CHMP4B: variants seen among roughly 807,000 people sequenced by gnomAD.
The protein encoded by CHMP4B is SNF7 homolog associated with Alix 1.
CHMP4B carries 1 observed loss-of-function variant against 25.1 expected under a neutral mutation model. That is an observed-to-expected ratio of 0.04 (90% CI 0.01 to 0.19). CHMP4B has a LOEUF of 0.19. Ranked by LOEUF, CHMP4B falls within the 10% of genes least tolerant of loss-of-function variation. The probability of loss-of-function intolerance (pLI) is 1.00; values close to 1 mark genes in which losing one functional copy is unlikely to be tolerated. For synonymous variants in CHMP4B, 101 were observed against 115.6 expected (o/e 0.87, Z 0.81); for missense variants, 151 against 289.7 (o/e 0.52, Z 3.48).
chr20:33,814,835 G>T (rs1266506866), intron 1 of CHMP4B, among the ~76,000 whole-genome samples: 1 of 151,958 alleles, frequency 6.6e-6, no homozygotes, highest in African/African-American at 2.4e-5. Context: ...TTTTTTTGTA[G>T]GGACAAGGTC....
intron 2 of CHMP4B, among the ~76,000 whole-genome samples, 155 bp from the exon 3 acceptor site, chr20:33,850,797 C>T (rs1222137964): frequency 6.6e-6 from 1 of 152,220 alleles, no homozygotes; most frequent in Non-Finnish European, 1.5e-5. Flanking sequence ...GGGGAGGAGG[C>T]AATAATGCCA....
intron 1 of CHMP4B, among the ~76,000 whole-genome samples, chr20:33,819,344 T>C (rs1462009634): frequency 1.3e-5 from 2 of 152,230 alleles, no homozygotes; most frequent in Admixed American, 1.3e-4. Flanking sequence ...ATGAGTGCTC[T>C]TTAGCCCTGA....
At chr20:33,845,866 C>G (rs778889959) in intron 1 of CHMP4B, among the ~76,000 whole-genome samples, 1 of 152,184 alleles carries the variant, frequency 6.6e-6, no homozygotes, top group Non-Finnish European at 1.5e-5. Flanking sequence ...TCTCCCAGGA[C>G]CTCTTCCCTC....
At chr20:33,831,095 ATT>A (rs556330396) in intron 1 of CHMP4B, among the ~76,000 whole-genome samples, 52 of 134,690 alleles carry the variant, frequency 3.9e-4, no homozygotes, top group Middle Eastern at 3.9e-3. Context: ...TGCTCAGCTA[ATT>A]TTTTTTTTTT....
chr20:33,815,902 C>T (rs891061311), intron 1 of CHMP4B, among the ~76,000 whole-genome samples: 1 of 152,184 alleles, frequency 6.6e-6, no homozygotes, highest in Non-Finnish European at 1.5e-5. Context: ...TAAACACCCA[C>T]CTGTGCAAGG....
Position 33,811,509 on chromosome 20 carries a change from A to G in CHMP4B, c.41A>G (p.Lys14Arg), listed in dbSNP as rs1215565926. 1 of 1,600,176 alleles carries G rather than the reference A, an allele frequency of 6.2e-7. No individual in the cohort carries two copies. Among genetic ancestry groups the G allele is most frequent in the Non-Finnish European group, 8.5e-7 (1 of 1,173,498 alleles). ...AAGCTGTTCGGGGCTGGAGGGGGTA[A>G]GGCCGGCAAGGGCGGCCCGACCCCC... is the stretch of plus-strand genomic sequence containing the variant. ...FGKLFGAGGG[K>R]AGKGGPTPQE... Residue 14 changes from lysine (K) to arginine (R), a missense_variant, in exon 1 of 5, where the codon AAG becomes AGG. Around this residue, in one of 3 missense-constraint regions of CHMP4B, gnomAD observed 28 missense variants for 30.5 expected, o/e 0.92. Transcript: ENST00000217402.
intron 1 of CHMP4B, among the ~76,000 whole-genome samples, chr20:33,826,233 G>A (rs972355278): frequency 2.0e-5 from 3 of 152,190 alleles, no homozygotes; most frequent in Admixed American, 1.3e-4. Context: ...GGATGGCAGG[G>A]ATTCTGAGCT....
intron 1 of CHMP4B, among the ~76,000 whole-genome samples, chr20:33,838,116 G>T (rs142041007): frequency 6.6e-6 from 1 of 152,198 alleles, no homozygotes. Flanking sequence ...CAAGTCTCCT[G>T]TTCGGGCACC....
At chr20:33,844,076 G>A (rs1023087929) in intron 1 of CHMP4B, among the ~76,000 whole-genome samples, 10 of 152,232 alleles carry the variant, frequency 6.6e-5, no homozygotes, top group Admixed American at 2.0e-4. Context: ...GTCCTGGGGG[G>A]ATACCCCGGG....
At chr20:33,852,316 G>A (rs1219077032) in intron 4 of CHMP4B, 113 bp downstream of exon 4, 3 of 1,290,814 alleles carry the variant, frequency 2.3e-6, no homozygotes, top group Non-Finnish European at 3.4e-6. Flanking sequence ...GTTGGCTTTG[G>A]TCTGTGTCCT....
chr20:33,812,876 T>C (rs1317293107), intron 1 of CHMP4B, among the ~76,000 whole-genome samples: 1 of 152,184 alleles, frequency 6.6e-6, no homozygotes, highest in East Asian at 1.9e-4. Flanking sequence ...TCAACAGATA[T>C]TCTGGAAATT....
rs1979934079 is a variant in CHMP4B, at chr20:33,853,943, GACTTGCCGC to G, written c.*386_*394del. 3.1e-6 allele frequency: 1 copy of G among 323,792 alleles called. No individual in the cohort carries two copies. The highest frequency in any genetic ancestry group is 4.4e-5 in the Admixed American group (1 of 22,644). The allele number at this position is 323,792 out of a possible 1,614,324, so 20.1% of individuals were successfully genotyped here. ...TAGCCTCTGTCCTTGTAAGTCAGTT[GACTTGCCGC>G]ACATCTCTTTGTGTACTTGTACGGT... On this transcript the variant is annotated 3_prime_UTR_variant, in exon 5 of 5. Coordinates refer to ENST00000217402, the MANE Select transcript of CHMP4B (RefSeq NM_176812.5).
In CHMP4B at chr20:33,827,587, T is replaced by A. The variant is rs549648953; in HGVS notation, c.190+15929T>A. On this transcript the variant is annotated intron_variant, in intron 1 of 4. Transcript: ENST00000217402. ...TTTTAGCTGCTCCCCTGATCCTGCATCCAGGCAAGCAGCGCAGATGCTGGA... is the reference window on the plus strand; with the variant it reads ...TTTTAGCTGCTCCCCTGATCCTGCAACCAGGCAAGCAGCGCAGATGCTGGA... Among the ~76,000 whole-genome samples the A allele has an allele frequency of 3.3e-5, 5 of 152,366 alleles. No homozygotes were observed. The East Asian group carries it at 9.6e-4, about 29-fold the overall frequency.
In CHMP4B at chr20:33,848,575, A is replaced by G. The variant is rs778864799; in HGVS notation, c.299A>G (p.Asn100Ser). 3.1e-6 allele frequency: 5 copies of G among 1,614,212 alleles called. No homozygotes were observed. Among genetic ancestry groups the G allele is most frequent in the Admixed American group, 3.3e-5 (2 of 60,024 alleles). The change falls in exon 2 of 5, where the codon AAC (asparagine) becomes AGC (serine). Residue 100 changes from asparagine to serine, a missense_variant. Coordinates refer to ENST00000217402, the MANE Select transcript of CHMP4B (RefSeq NM_176812.5). Reference protein sequence around the residue: ...EFQREALENANTNTEVLKNMG... With the variant: ...EFQREALENASTNTEVLKNMG... ...CAGCGGGAGGCCCTGGAGAATGCCA[A>G]CACCAACACCGAGGTGCTCAAGAAC...
At position 33,852,203 on chromosome 20, in the gene CHMP4B, G is replaced by C; in HGVS notation, c.610G>C (p.Ala204Pro). Residue 204 changes from alanine (A) to proline (P), a missense_variant and splice_region_variant, in exon 4 of 5, where the codon GCC becomes CCC. By Grantham distance (27) the Ala-to-Pro change is conservative. Coordinates refer to ENST00000217402, the MANE Select transcript of CHMP4B (RefSeq NM_176812.5). ...CTCTATAGCCCTACCATCAAAACCC[G>C]GTGAGTGCTTCTAGAGTCATGGCAC... ...VPSIALPSKP[A>P]KKKEEEDDDM... 3.7e-6 allele frequency: 6 copies of C among 1,614,184 alleles called. No individual in the cohort carries two copies. The highest frequency in any genetic ancestry group is 5.1e-6 in the Non-Finnish European group (6 of 1,180,022).
chr20:33,833,690 C>T (rs989423334), intron 1 of CHMP4B, among the ~76,000 whole-genome samples: 14 of 152,198 alleles, frequency 9.2e-5, no homozygotes, highest in African/African-American at 3.4e-4. Context: ...GTTCCCTCCC[C>T]TATTTTCTCA....
chr20:33,814,888 C>T (rs1278431872), intron 1 of CHMP4B, among the ~76,000 whole-genome samples: 2 of 152,186 alleles, frequency 1.3e-5, no homozygotes, highest in Non-Finnish European at 2.9e-5. Flanking sequence ...TGGCCTCGAG[C>T]GATTCTCCCG....
At chr20:33,823,884 C>T (rs1051749254) in intron 1 of CHMP4B, among the ~76,000 whole-genome samples, 1 of 152,068 alleles carries the variant, frequency 6.6e-6, no homozygotes, top group Non-Finnish European at 1.5e-5. Context: ...CTATGTTGGC[C>T]AGGCTGTTCT....
At chr20:33,823,876 A>T (rs930661852) in intron 1 of CHMP4B, among the ~76,000 whole-genome samples, 4 of 151,768 alleles carry the variant, frequency 2.6e-5, no homozygotes, top group Non-Finnish European at 5.9e-5. Flanking sequence ...GGGTGTCACT[A>T]TGTTGGCCAG....
Sources: gnomAD v4.1 joint callset for allele counts (sites outside exome capture counted in the v4.1 genomes callset) on GRCh38, gnomAD v4.1.1 for gene constraint, gnomAD v4.1.1 regional missense constraint, MANE v1.5 for transcripts, NCBI Gene and HGNC (gene_info 2026-07-23, HGNC 2026-07-21) for gene names.